The following SPAST variants were observed in gnomAD, a reference collection of about 807,000 sequenced individuals.
SPAST encodes the protein spastin.
In SPAST, 30 loss-of-function variants were observed where a neutral mutation model predicts 76.6. The ratio of observed to expected loss-of-function variants is 0.39; its 90% CI spans 0.29 to 0.53. The LOEUF (loss-of-function observed/expected upper bound fraction) is 0.53, where lower values mean the gene tolerates loss of function less well. Among genes scored for constraint, SPAST ranks in the 20% least tolerant of loss-of-function variants. SPAST has a pLI of 0.68. For missense variants in SPAST, 717 were observed against 770.5 expected (o/e 0.93, Z 0.82); for synonymous variants, 305 against 281.0 (o/e 1.09, Z -0.86).
intron 16 of SPAST, among the ~76,000 whole-genome samples, chr2:32,150,408 T>C (rs1388951337): frequency 6.6e-6 from 1 of 151,356 alleles, no homozygotes; most frequent in Non-Finnish European, 1.5e-5. Context: ...TTTAGTTTTC[T>C]AACTTATTTA....
chr2:32,123,151 A>G (rs1225030004), intron 7 of SPAST, among the ~76,000 whole-genome samples: 1 of 151,988 alleles, frequency 6.6e-6, no homozygotes, highest in Admixed American at 6.6e-5. Flanking sequence ...AATCTCAGCT[A>G]CTCAGGAGGC....
At chr2:32,125,655 A>G (rs183884915) in intron 7 of SPAST, among the ~76,000 whole-genome samples, 85 of 152,184 alleles carry the variant, frequency 5.6e-4, no homozygotes, top group African/African-American at 2.0e-3. Context: ...TGCCATGCCT[A>G]GTGTCCCTGA....
intron 4 of SPAST, among the ~76,000 whole-genome samples, chr2:32,112,400 T>C (rs1047372586): frequency 1.4e-5 from 2 of 144,750 alleles, no homozygotes; most frequent in African/African-American, 5.1e-5. Flanking sequence ...CAGGCTGGAG[T>C]GCAATGGAGT....
chr2:32,134,549 C>T (rs1482867588), intron 9 of SPAST, among the ~76,000 whole-genome samples: 1 of 152,058 alleles, frequency 6.6e-6, no homozygotes, highest in African/African-American at 2.4e-5. Flanking sequence ...AGTGATCCTC[C>T]CATTTCGGCC....
intron 7 of SPAST, among the ~76,000 whole-genome samples, chr2:32,121,063 C>T (rs568988326): frequency 1.2e-4 from 18 of 152,244 alleles, no homozygotes; most frequent in African/African-American, 4.1e-4. Flanking sequence ...TGGATCTTCT[C>T]TTTATTCTTA....
intron 9 of SPAST, among the ~76,000 whole-genome samples, chr2:32,132,448 TATC>T (rs1679401054): frequency 1.3e-5 from 2 of 152,188 alleles, no homozygotes; most frequent in South Asian, 4.1e-4. Context: ...TTGTCAGTTC[TATC>T]TAATACAATT....
At chr2:32,141,788 A>C in intron 12 of SPAST, 116 bp from the exon 13 acceptor site, 1 of 760,928 alleles carries the variant, frequency 1.3e-6, no homozygotes, top group South Asian at 1.7e-5. Context: ...ATTGATAACT[A>C]CCAAAATGCA....
At position 32,131,724 on chromosome 2, in the gene SPAST, G is replaced by A. The variant is rs1391021452; in HGVS notation, c.1245+3245G>A. Among the ~76,000 whole-genome samples, 80 of 138,744 alleles carry A rather than the reference G, an allele frequency of 5.8e-4. 3 individuals carry two copies. Among genetic ancestry groups the A allele is most frequent in the African/African-American group, 1.4e-4 (5 of 36,886 alleles). The allele number at this position is 138,744 out of a possible 152,430, so 91.0% of individuals were successfully genotyped here. On this transcript the variant is annotated intron_variant, in intron 9 of 16. Coordinates refer to ENST00000315285, the MANE Select transcript of SPAST (RefSeq NM_014946.4). ...GAGTCTTGCTCTGGAGTGCAGTGGCGTGATCTCGGCTCACTGCAGCCTCTG... is the reference window on the plus strand; with the variant it reads ...GAGTCTTGCTCTGGAGTGCAGTGGCATGATCTCGGCTCACTGCAGCCTCTG...
At chr2:32,104,326 A>G (rs1428306852) in intron 4 of SPAST, among the ~76,000 whole-genome samples, 2 of 151,702 alleles carry the variant, frequency 1.3e-5, no homozygotes, top group African/African-American at 2.4e-5. Context: ...CCATCCCTTT[A>G]TTTTGAGCCT....
chr2:32,101,169 G>A (rs988061576), intron 4 of SPAST, among the ~76,000 whole-genome samples: 2 of 152,108 alleles, frequency 1.3e-5, no homozygotes, highest in African/African-American at 2.4e-5. Flanking sequence ...GGTGTGAGAC[G>A]GTATCTCATT....
At chr2:32,144,560 A>G (rs566238631) in intron 14 of SPAST, among the ~76,000 whole-genome samples, 5 of 152,132 alleles carry the variant, frequency 3.3e-5, no homozygotes, top group Admixed American at 1.3e-4. Flanking sequence ...CTCTTATTAT[A>G]TGGAGATTTT....
Position 32,089,376 on chromosome 2 carries a change from T to C in SPAST, c.503-146T>C, listed in dbSNP as rs376898630. The C allele has an allele frequency of 5.2e-6, 3 of 571,452 alleles. No individual in the cohort carries two copies. The African/African-American group carries it at 5.7e-5, about 11-fold the overall frequency. The allele number at this position is 571,452 out of a possible 1,614,324, so 35.4% of individuals were successfully genotyped here. On this transcript the variant is annotated intron_variant, in intron 2 of 16. Coordinates refer to ENST00000315285, the MANE Select transcript of SPAST (RefSeq NM_014946.4). Reference sequence around the variant, plus strand: ...TTAAAATTTCTTCTGTTTTCTTTCTTTTGGGTATACATTTTCTTCTTTTTT... The same window carrying C: ...TTAAAATTTCTTCTGTTTTCTTTCTCTTGGGTATACATTTTCTTCTTTTTT...
At chr2:32,064,276 G>C in intron 1 of SPAST, 30 bp downstream of exon 1, 1 of 1,493,668 alleles carries the variant, frequency 6.7e-7, no homozygotes, top group Admixed American at 2.1e-5. Flanking sequence ...AGGGGGCGGC[G>C]GCGCCGGGAA....
chr2:32,131,697 TGGA>T (rs1679374425), intron 9 of SPAST, among the ~76,000 whole-genome samples: 1 of 121,228 alleles, frequency 8.2e-6, no homozygotes, highest in Admixed American at 1.0e-4. Flanking sequence ...TTTTTTGAGA[TGGA>T]GTCTTGCTCT....
At position 32,063,753 on chromosome 2, in the gene SPAST, G is replaced by A; in HGVS notation, c.-79G>A. ...ACGGGGGTCTGTGGCCCCCGCCGTA[G>A]CAGTGGCTGCCGCCGTCGCTTGGTT... is the stretch of plus-strand genomic sequence containing the variant. On this transcript the variant is annotated 5_prime_UTR_variant, in exon 1 of 17. Coordinates refer to ENST00000315285, the MANE Select transcript of SPAST (RefSeq NM_014946.4). 4 of 1,519,132 alleles carry A rather than the reference G, an allele frequency of 2.6e-6. No homozygotes were observed. The highest frequency in any genetic ancestry group is 2.6e-6 in the Non-Finnish European group (3 of 1,138,094). The allele number at this position is 1,519,132 out of a possible 1,614,324, so 94.1% of individuals were successfully genotyped here. A position where few individuals can be genotyped will look rare whatever the true frequency, so the allele number is the denominator to read the frequency against.
intron 4 of SPAST, among the ~76,000 whole-genome samples, chr2:32,106,819 C>T (rs1057126312): frequency 2.6e-5 from 4 of 150,952 alleles, no homozygotes; most frequent in Admixed American, 6.6e-5. Context: ...TTTCAAGTAT[C>T]GATATAAGTA....
At chr2:32,095,081 G>C (rs757273555) in intron 3 of SPAST, among the ~76,000 whole-genome samples, 1 of 152,232 alleles carries the variant, frequency 6.6e-6, no homozygotes, top group Non-Finnish European at 1.5e-5. Flanking sequence ...GAACCAGGGA[G>C]AGCAATTAGG....
chr2:32,082,112 C>T (rs1466665653), intron 1 of SPAST, among the ~76,000 whole-genome samples: 1 of 149,298 alleles, frequency 6.7e-6, no homozygotes, highest in African/African-American at 2.5e-5. Flanking sequence ...CCTGCCTCAG[C>T]CTCCCAAATA....
In SPAST at chr2:32,129,287, G is replaced by T. The variant is rs370248402; in HGVS notation, c.1245+808G>T. 9 of 148,744 alleles carry T rather than the reference G, an allele frequency of 6.1e-5. No individual in the cohort carries two copies. The South Asian group carries it at 1.5e-3, about 25-fold the overall frequency. 9.2% of individuals were successfully genotyped at this position (148,744 alleles called of 1,614,324 possible). On this transcript the variant is annotated intron_variant, in intron 9 of 16. Coordinates refer to ENST00000315285, the MANE Select transcript of SPAST (RefSeq NM_014946.4). ...TTTTTTATAATAGAGACACAGTCTC[G>T]CTATGTTGCCAGGCTACTTTCAAAT...
Sources: gnomAD v4.1 joint callset for allele counts (sites outside exome capture counted in the v4.1 genomes callset) on GRCh38, gnomAD v4.1.1 for gene constraint, MANE v1.5 for transcripts, NCBI Gene and HGNC (gene_info 2026-07-23, HGNC 2026-07-21) for gene names.